Variants in SUPT7L observed in about 807,000 individuals in gnomAD.
SUPT7L encodes the protein SPT7 like, STAGA complex subunit gamma.
A neutral mutation model predicts 35.7 loss-of-function variants in SUPT7L; 15 were observed. That is an observed-to-expected ratio of 0.42 (90% CI 0.28 to 0.65). The LOEUF (loss-of-function observed/expected upper bound fraction) is 0.65, where lower values mean the gene tolerates loss of function less well. Ranked by LOEUF, SUPT7L falls within the 30% of genes least tolerant of loss-of-function variation. The probability of loss-of-function intolerance (pLI) is 0.23; values close to 1 mark genes in which losing one functional copy is unlikely to be tolerated. For synonymous variants in SUPT7L, 168 were observed against 186.2 expected, an observed-to-expected ratio of 0.90 and a Z score of 0.79; for missense variants, 434 against 522.2, an observed-to-expected ratio of 0.83 and a Z score of 1.65.
chr2:27,661,048 C>G lies in SUPT7L; in HGVS notation c.355G>C (p.Asp119His). Residue 119 changes from aspartate (D) to histidine (H), a missense_variant, in exon 3 of 6, where the codon GAT becomes CAT. Asp to His is a moderately conservative substitution (Grantham distance 81). This residue lies in a region of SUPT7L where 198 missense variants were observed against 190.8 expected (regional missense o/e 1.04). Transcript: ENST00000337768. ...PPLPDDLLPL[D>H]CKNPNAPFQI... Reference sequence around the variant, plus strand: ...AATGGTGCATTGGGATTCTTACAATCTAAAGGCAGGAGGTCATCAGGGAGA... The same window carrying G: ...AATGGTGCATTGGGATTCTTACAATGTAAAGGCAGGAGGTCATCAGGGAGA... 6.2e-7 allele frequency: 1 copy of G among 1,614,134 alleles called. No homozygotes were observed. Among genetic ancestry groups the G allele is most frequent in the Non-Finnish European group, 8.5e-7 (1 of 1,180,014 alleles).
the SUPT7L span, among the ~76,000 whole-genome samples, chr2:27,645,170 C>T: frequency 1.3e-5 from 2 of 151,982 alleles, no homozygotes; most frequent in Non-Finnish European, 2.9e-5. Context: ...GAGGTCTCAC[C>T]ATGTTGCCCA....
At chr2:27,661,497 G>A (rs1675109856) in intron 2 of SUPT7L, 109 bp from the exon 3 acceptor site, 1 of 1,522,890 alleles carries the variant, frequency 6.6e-7, no homozygotes, top group South Asian at 1.3e-5. Flanking sequence ...CTTCTGTAGT[G>A]AAAAATACGA....
At chr2:27,656,431 C>A (rs1249297254) in intron 4 of SUPT7L, among the ~76,000 whole-genome samples, 1 of 152,088 alleles carries the variant, frequency 6.6e-6, no homozygotes, top group African/African-American at 2.4e-5. Flanking sequence ...TAACATTATC[C>A]AAAATTGTAT....
chr2:27,655,459 A>G lies in SUPT7L; in HGVS notation c.888T>C (p.Ala296=), dbSNP rs746012648. 5 of 1,614,146 alleles carry G rather than the reference A, an allele frequency of 3.1e-6. No individual in the cohort carries two copies. The South Asian group carries it at 5.5e-5, about 18-fold the overall frequency. ...CCATAGGCAGTGACTGGTCTCCAGAAGCAAGGTCAGCCTCCAGCTCCTCAC... is the reference window on the plus strand; with the variant it reads ...CCATAGGCAGTGACTGGTCTCCAGAGGCAAGGTCAGCCTCCAGCTCCTCAC... ...PVSEELEADL[A]SGDQSLPMGV... is the part of the protein sequence containing the mutation. Residue 296 remains alanine (A), a synonymous_variant, in exon 5 of 6, where the codon GCT becomes GCC. Transcript: ENST00000337768.
At chr2:27,658,552 G>A (rs1225707608) in intron 3 of SUPT7L, among the ~76,000 whole-genome samples, 1 of 152,094 alleles carries the variant, frequency 6.6e-6, no homozygotes, top group African/African-American at 2.4e-5. Context: ...CCCTGACAAA[G>A]GAATTTATTT....
In SUPT7L at chr2:27,653,192, T is replaced by A; in HGVS notation, c.*293A>T. ...CAGTTGTACAAGATAAATGGCTGTA[T>A]AACATGTCTAGTCATAGTTAAGACA... is the stretch of plus-strand genomic sequence containing the variant. On this transcript the variant is annotated 3_prime_UTR_variant, in exon 6 of 6. Transcript: ENST00000337768. 2.5e-6 allele frequency: 1 copy of A among 406,086 alleles called. No homozygotes were observed. 25.2% of individuals were successfully genotyped at this position (406,086 alleles called of 1,614,324 possible). A position where few individuals can be genotyped will look rare whatever the true frequency, so the allele number is the denominator to read the frequency against.
Position 27,653,128 on chromosome 2 carries a change from C to A in SUPT7L, c.*357G>T. 1 of 232,366 alleles carries A rather than the reference C, an allele frequency of 4.3e-6. No individual in the cohort carries two copies. Among genetic ancestry groups the A allele is most frequent in the Non-Finnish European group, 8.6e-6 (1 of 116,610 alleles). 14.4% of individuals were successfully genotyped at this position (232,366 alleles called of 1,614,324 possible). A position where few individuals can be genotyped will look rare whatever the true frequency, so the allele number is the denominator to read the frequency against. On this transcript the variant is annotated 3_prime_UTR_variant, in exon 6 of 6. Coordinates refer to ENST00000337768, the MANE Select transcript of SUPT7L (RefSeq NM_014860.3). ...TTTGAAGTTAGCAAACATCTAAATC[C>A]TCACATCTCTACAAGGTAGGTCAAA... is the stretch of plus-strand genomic sequence containing the variant.
intron 2 of SUPT7L, 55 bp from the exon 3 acceptor site, chr2:27,661,443 C>T (rs550823686): frequency 6.2e-7 from 1 of 1,603,908 alleles, no homozygotes; most frequent in Non-Finnish European, 8.5e-7. Context: ...TAGACAATAA[C>T]CTAAAAGTAA....
chr2:27,647,114 A>G (rs894983181), downstream of SUPT7L, among the ~76,000 whole-genome samples: 7 of 152,148 alleles, frequency 4.6e-5, no homozygotes, highest in Admixed American at 4.6e-4. Flanking sequence ...CTCCTTTTTC[A>G]GGCCCACAGG....
the SUPT7L span, among the ~76,000 whole-genome samples, chr2:27,643,210 T>TA: frequency 6.6e-6 from 1 of 150,960 alleles, no homozygotes; most frequent in Admixed American, 6.6e-5. This position sits in a 1 kb window ranked among gnomAD's most constrained non-coding sequence, Gnocchi z 4.0. Flanking sequence ...TTTTTTTTTT[T>TA]ACAGTTTGAC....
At chr2:27,653,780 G>GTGTA in intron 5 of SUPT7L, 33 bp from the exon 6 acceptor site, 1 of 1,612,940 alleles carries the variant, frequency 6.2e-7, no homozygotes, top group Non-Finnish European at 8.5e-7. Context: ...CATACACCAA[G>GTGTA]TGTATATGTG....
rs1208231803 is a variant in SUPT7L, at chr2:27,663,554, C to G, written c.-315G>C. The G allele has an allele frequency of 1.7e-6, 1 of 572,630 alleles. No homozygotes were observed. Among genetic ancestry groups the G allele is most frequent in the African/African-American group, 1.9e-5 (1 of 53,222 alleles). 35.5% of individuals were successfully genotyped at this position (572,630 alleles called of 1,614,324 possible). ...GCGGGCTGGGCGGCTGTCTGGACCT[C>G]GAGAGGCCTGAGGCAAGGATCGCGT... On this transcript the variant is annotated 5_prime_UTR_variant, in exon 1 of 6. Transcript: ENST00000337768.
At chr2:27,642,599 G>A in the SUPT7L span, 12 of 885,332 alleles carry the variant, frequency 1.4e-5, no homozygotes, top group East Asian at 1.1e-4. Flanking sequence ...TTTTTGAGAC[G>A]GAGTTTCACT....
downstream of SUPT7L, among the ~76,000 whole-genome samples, chr2:27,646,240 C>A (rs755354948): frequency 2.0e-5 from 3 of 152,100 alleles, no homozygotes; most frequent in Non-Finnish European, 2.9e-5. Context: ...CAGGGTTTTG[C>A]CATGTTGGCC....
At chr2:27,659,298 G>T (rs1353168324) in intron 3 of SUPT7L, among the ~76,000 whole-genome samples, 1 of 152,126 alleles carries the variant, frequency 6.6e-6, no homozygotes, top group Non-Finnish European at 1.5e-5. Context: ...GTCTATTTCT[G>T]TACTTTTCTC....
At position 27,660,896 on chromosome 2, in the gene SUPT7L, C is replaced by A. The variant is rs1158961165; in HGVS notation, c.419+88G>T. ...ATTACTCTTATCCTCAGTTTCCTCG[C>A]ATGAAAATGGAAATGCTATTATAGG... On this transcript the variant is annotated intron_variant, in intron 3 of 5. Coordinates refer to ENST00000337768, the MANE Select transcript of SUPT7L (RefSeq NM_014860.3). 13 of 1,450,950 alleles carry A rather than the reference C, an allele frequency of 9.0e-6. No homozygotes were observed. The East Asian group carries it at 9.8e-5, about 11-fold the overall frequency. The allele number at this position is 1,450,950 out of a possible 1,614,324, so 89.9% of individuals were successfully genotyped here. A position where few individuals can be genotyped will look rare whatever the true frequency, so the allele number is the denominator to read the frequency against.
intron 5 of SUPT7L, among the ~76,000 whole-genome samples, chr2:27,655,014 C>A: frequency 6.6e-6 from 1 of 152,122 alleles, no homozygotes. Context: ...CAGGAAGGAC[C>A]AATACAGAAT....
chr2:27,644,040 CGTGGTCGTGCATGTCTGTAA>C, the SUPT7L span, among the ~76,000 whole-genome samples: 1 of 152,062 alleles, frequency 6.6e-6, no homozygotes, highest in African/African-American at 2.4e-5. Context: ...ATTAGCTGGG[CGTGGTCGTGCATGTCTGTAA>C]TTCCAGCTAC....
In SUPT7L at chr2:27,661,006, C is replaced by T; in HGVS notation, c.397G>A (p.Asp133Asn). 6.2e-7 allele frequency: 1 copy of T among 1,614,004 alleles called. No individual in the cohort carries two copies. The highest frequency in any genetic ancestry group is 8.5e-7 in the Non-Finnish European group (1 of 1,179,922). ...TACCGATAAAAGTCACTCTCTGGGTCACTGTGCCGGATCTGGAATGGTGCA... is the reference window on the plus strand; with the variant it reads ...TACCGATAAAAGTCACTCTCTGGGTTACTGTGCCGGATCTGGAATGGTGCA... ...PNAPFQIRHS[D>N]PESDFYRGKG... Residue 133 changes from aspartate to asparagine, a missense_variant, in exon 3 of 6, where the codon GAC (aspartate) becomes AAC (asparagine). Physicochemically the swap from Asp to Asn is conservative, Grantham distance 23. Transcript: ENST00000337768.
Sources: gnomAD v4.1 joint callset for allele counts (sites outside exome capture counted in the v4.1 genomes callset) on GRCh38, gnomAD v4.1.1 for gene constraint, gnomAD v4.1.1 regional missense constraint, Gnocchi (gnomAD v3.1) non-coding constraint, MANE v1.5 for transcripts, NCBI Gene and HGNC (gene_info 2026-07-23, HGNC 2026-07-21) for gene names.